Variants in ZFHX3 observed in about 807,000 individuals in gnomAD.
The protein encoded by ZFHX3 is zinc finger homeobox protein 3.
In ZFHX3, 42 loss-of-function variants were observed where a neutral mutation model predicts 279.1. The observed-to-expected ratio is 0.15, with a 90% CI of 0.12 to 0.19. The LOEUF is 0.19. Ranked by LOEUF, ZFHX3 falls within the 10% of genes least tolerant of loss-of-function variation. ZFHX3 has a pLI of 1.00. For synonymous variants in ZFHX3, 2,293 were observed against 1,957.8 expected, an observed-to-expected ratio of 1.17 and a Z score of -4.52; for missense variants, 4,981 against 4,754.0, an observed-to-expected ratio of 1.05 and a Z score of -1.40.
intron 1 of ZFHX3, among the ~76,000 whole-genome samples, chr16:73,770,822 C>G (rs2142292115): frequency 1.3e-5 from 2 of 152,318 alleles, no homozygotes; most frequent in South Asian, 4.1e-4. Flanking sequence ...AACTTGTTCT[C>G]CAACATAGCT....
At chr16:73,252,437 A>G (rs1231455516) in intron 5 of ZFHX3, among the ~76,000 whole-genome samples, 1 of 152,196 alleles carries the variant, frequency 6.6e-6, no homozygotes, top group African/African-American at 2.4e-5. Context: ...TGACTGCAAG[A>G]GTTTAACCTG....
chr16:72,995,191 G>A (rs1213653455), intron 1 of ZFHX3, among the ~76,000 whole-genome samples: 1 of 152,090 alleles, frequency 6.6e-6, no homozygotes, highest in Non-Finnish European at 1.5e-5. Context: ...CAGAGTCCAG[G>A]GCACGCTTTA....
chr16:73,059,923 G>T (rs1965659261), upstream of ZFHX3, among the ~76,000 whole-genome samples: 1 of 152,086 alleles, frequency 6.6e-6, no homozygotes, highest in African/African-American at 2.4e-5. Context: ...AAGTGAATCA[G>T]AACTGAAAGG....
At chr16:73,852,887 G>A (rs1961625022) in intron 1 of ZFHX3, among the ~76,000 whole-genome samples, 1 of 152,084 alleles carries the variant, frequency 6.6e-6, no homozygotes, top group Non-Finnish European at 1.5e-5. Context: ...ACAGAAGGGG[G>A]AAAAATATTT....
Position 73,027,668 on chromosome 16 carries a change from C to T in ZFHX3, c.-50+20084G>A, listed in dbSNP as rs143999020. On this transcript the variant is annotated intron_variant, in intron 1 of 9. Transcript: ENST00000268489. ...ACACCCTCTATCCTCCCCACTGCCC[C>T]CACCACCAAGAAGGAATTTGGGTCT... is the stretch of plus-strand genomic sequence containing the variant. 4.7e-3 allele frequency among the ~76,000 whole-genome samples: 717 copies of T among 152,262 alleles called. 3 individuals carry two copies. Among genetic ancestry groups the T allele is most frequent in the African/African-American group, 0.015 (632 of 41,564 alleles).
At chr16:73,262,577 G>A (rs548233246) in intron 4 of ZFHX3, among the ~76,000 whole-genome samples, 1 of 151,228 alleles carries the variant, frequency 6.6e-6, no homozygotes, top group South Asian at 2.1e-4. Flanking sequence ...GGTAAAAAAA[G>A]GGCTTGAGGA....
intron 4 of ZFHX3, among the ~76,000 whole-genome samples, chr16:73,280,203 T>C (rs1208161926): frequency 6.6e-6 from 1 of 152,156 alleles, no homozygotes; most frequent in Non-Finnish European, 1.5e-5. Flanking sequence ...TCCTTGATAT[T>C]GGATGTAACA....
intron 5 of ZFHX3, among the ~76,000 whole-genome samples, chr16:73,187,119 C>CG (rs1165889837): frequency 4.0e-5 from 6 of 148,560 alleles, no homozygotes; most frequent in Non-Finnish European, 8.9e-5. Context: ...GGAAGAGAGG[C>CG]GGGGGGATGG....
At chr16:73,689,808 T>G (rs1483827594) in intron 1 of ZFHX3, among the ~76,000 whole-genome samples, 1 of 150,232 alleles carries the variant, frequency 6.7e-6, no homozygotes, top group Non-Finnish European at 1.5e-5. Flanking sequence ...ATACAGTTTT[T>G]TGTTTTTTGT....
intron 3 of ZFHX3, among the ~76,000 whole-genome samples, chr16:73,393,923 A>G (rs2017072501): frequency 6.8e-6 from 1 of 147,080 alleles, no homozygotes; most frequent in Non-Finnish European, 1.5e-5. Flanking sequence ...AATATATGAT[A>G]TATATAAGAT....
intron 7 of ZFHX3, among the ~76,000 whole-genome samples, chr16:73,109,501 C>T (rs1966344990): frequency 1.1e-5 from 1 of 90,032 alleles, no homozygotes; most frequent in African/African-American, 5.4e-5. Context: ...ATCAGCACGA[C>T]ACAGGTTACG....
chr16:73,566,131 T>C (rs1362157396), intron 2 of ZFHX3, among the ~76,000 whole-genome samples: 2 of 152,152 alleles, frequency 1.3e-5, no homozygotes, highest in East Asian at 1.9e-4. Context: ...TCTCTCCTGA[T>C]AGGGCTGAAG....
chr16:73,686,354 A>G (rs891488530), intron 1 of ZFHX3, among the ~76,000 whole-genome samples: 2 of 152,170 alleles, frequency 1.3e-5, no homozygotes, highest in Non-Finnish European at 2.9e-5. Context: ...TCGGCCTCCC[A>G]AAGTGCTGGG....
intron 4 of ZFHX3, among the ~76,000 whole-genome samples, chr16:73,268,260 T>C (rs2014036843): frequency 6.6e-6 from 1 of 151,896 alleles, no homozygotes; most frequent in African/African-American, 2.4e-5. Flanking sequence ...CCATATGGAG[T>C]AGGAAATTCT....
intron 3 of ZFHX3, among the ~76,000 whole-genome samples, chr16:73,416,416 G>A (rs1202459296): frequency 6.6e-6 from 1 of 152,134 alleles, no homozygotes; most frequent in Non-Finnish European, 1.5e-5. Context: ...ATGAATAAAG[G>A]TAGATGGAAT....
At chr16:72,899,682 C>T (rs1242722349) in intron 3 of ZFHX3, among the ~76,000 whole-genome samples, 2 of 152,142 alleles carry the variant, frequency 1.3e-5, no homozygotes, top group Non-Finnish European at 2.9e-5. Context: ...ACTAGCTGTG[C>T]CACGTAGGGC....
chr16:73,452,483 G>A (rs1420627290), intron 3 of ZFHX3, among the ~76,000 whole-genome samples: 1 of 152,138 alleles, frequency 6.6e-6, no homozygotes, highest in Admixed American at 6.5e-5. Flanking sequence ...GCAGTCCTAG[G>A]TAGTTAAATC....
intron 1 of ZFHX3, among the ~76,000 whole-genome samples, chr16:73,887,854 AT>A (rs536159164): frequency 2.0e-5 from 3 of 151,768 alleles, no homozygotes; most frequent in South Asian, 2.1e-4. Context: ...TAAAATCTGA[AT>A]TTTTTTTAAA....
chr16:73,783,925 C>A (rs1959553544), intron 1 of ZFHX3, among the ~76,000 whole-genome samples: 1 of 152,096 alleles, frequency 6.6e-6, no homozygotes, highest in Admixed American at 6.5e-5. Context: ...GCATCCATAC[C>A]AGGTTGATGC....
Sources: allele counts gnomAD v4.1 joint callset (sites outside exome capture counted in the v4.1 genomes callset), GRCh38; gene constraint gnomAD v4.1.1; transcripts MANE v1.5; gene names NCBI Gene and HGNC (gene_info 2026-07-23, HGNC 2026-07-21).